Variants in UMAD1 observed in about 807,000 individuals in gnomAD.
The protein encoded by UMAD1 is UBAP1-MVB12-associated (UMA)-domain containing protein 1.
Under a neutral mutation model 6.1 loss-of-function variants are expected in UMAD1, and 8 were observed. The ratio of observed to expected loss-of-function variants is 1.30; its 90% CI spans 0.76 to 2.35. UMAD1 has a LOEUF of 2.35. Ranked by LOEUF, UMAD1 falls within the 30% of genes most tolerant of loss-of-function variation. The pLI is 0.00. For synonymous variants in UMAD1, 56 were observed against 31.4 expected (o/e 1.78, Z -2.61); for missense variants, 130 against 78.4 (o/e 1.66, Z -2.49).
At chr7:7,766,597 G>T (rs891651060) in intron 2 of UMAD1, among the ~76,000 whole-genome samples, 6 of 152,038 alleles carry the variant, frequency 3.9e-5, no homozygotes, top group Non-Finnish European at 7.4e-5. Context: ...CCCTCTTTAG[G>T]CAATCTACAG....
At chr7:7,854,893 G>C (rs1055260134) in intron 3 of UMAD1, among the ~76,000 whole-genome samples, 1 of 152,164 alleles carries the variant, frequency 6.6e-6, no homozygotes, top group Non-Finnish European at 1.5e-5. Flanking sequence ...TACAATGGGG[G>C]TACAGGCATT....
At chr7:7,850,765 A>G (rs530697704) in intron 3 of UMAD1, among the ~76,000 whole-genome samples, 56 of 152,244 alleles carry the variant, frequency 3.7e-4, no homozygotes, top group African/African-American at 1.1e-3. Flanking sequence ...TCTGAGGACA[A>G]TTATTACTAG....
intron 2 of UMAD1, among the ~76,000 whole-genome samples, chr7:7,777,880 C>T (rs375435084): frequency 6.6e-6 from 1 of 152,114 alleles, no homozygotes; most frequent in Non-Finnish European, 1.5e-5. Context: ...CCAGTAACTT[C>T]ATTCAGTAAC....
chr7:7,769,177 G>A (rs1034858404), intron 2 of UMAD1, among the ~76,000 whole-genome samples: 8 of 152,122 alleles, frequency 5.3e-5, no homozygotes, highest in Non-Finnish European at 1.0e-4. Flanking sequence ...ATACTCATTT[G>A]TCTTTTAGGG....
intron 3 of UMAD1, among the ~76,000 whole-genome samples, chr7:7,847,296 T>G (rs1563256308): frequency 6.6e-6 from 1 of 151,220 alleles, no homozygotes; most frequent in Non-Finnish European, 1.5e-5. Context: ...TGGTTTTCAC[T>G]CTAGCTGATG....
chr7:7,833,394 T>A (rs1235644028), intron 3 of UMAD1, among the ~76,000 whole-genome samples: 1 of 151,978 alleles, frequency 6.6e-6, no homozygotes, highest in Non-Finnish European at 1.5e-5. Context: ...GCAACTATCC[T>A]GACATGTGAC....
intron 2 of UMAD1, among the ~76,000 whole-genome samples, chr7:7,770,805 G>A (rs984845910): frequency 6.6e-6 from 1 of 152,116 alleles, no homozygotes; most frequent in Non-Finnish European, 1.5e-5. Flanking sequence ...GTTCACGATC[G>A]TCTGGAAGTG....
intron 1 of UMAD1, among the ~76,000 whole-genome samples, chr7:7,672,362 G>T (rs1040004972): frequency 3.9e-5 from 6 of 152,132 alleles, no homozygotes; most frequent in Admixed American, 2.6e-4. Context: ...ATGTGTGCTT[G>T]TATTTGTGTG....
At chr7:7,759,060 T>G (rs1781834031) in intron 2 of UMAD1, among the ~76,000 whole-genome samples, 1 of 152,226 alleles carries the variant, frequency 6.6e-6, no homozygotes, top group African/African-American at 2.4e-5. Context: ...CTTACATGGT[T>G]ATTTAAACTG....
chr7:7,717,020 C>T (rs952366378), intron 2 of UMAD1, among the ~76,000 whole-genome samples: 3 of 151,816 alleles, frequency 2.0e-5, no homozygotes, highest in African/African-American at 7.3e-5. Context: ...CACGAGGGAG[C>T]TTTCCTCTTT....
intron 1 of UMAD1, among the ~76,000 whole-genome samples, chr7:7,665,116 A>G (rs80267174): frequency 1.3e-5 from 2 of 152,216 alleles, no homozygotes; most frequent in African/African-American, 2.4e-5. Flanking sequence ...ATATATTTAC[A>G]TTAACTAGTA....
chr7:7,862,493 G>A (rs1032728135), intron 3 of UMAD1, among the ~76,000 whole-genome samples: 19 of 152,100 alleles, frequency 1.2e-4, no homozygotes, highest in African/African-American at 4.3e-4. Context: ...CTATATAAAT[G>A]GGAAGTTAAG....
At chr7:7,662,903 G>T (rs1350403452) in intron 1 of UMAD1, among the ~76,000 whole-genome samples, 5 of 152,192 alleles carry the variant, frequency 3.3e-5, no homozygotes, top group Non-Finnish European at 7.3e-5. Flanking sequence ...TTTATAGTAT[G>T]CTAGAAACTA....
intron 2 of UMAD1, among the ~76,000 whole-genome samples, chr7:7,742,825 A>G (rs903938702): frequency 1.3e-5 from 2 of 152,188 alleles, no homozygotes; most frequent in African/African-American, 2.4e-5. Flanking sequence ...TGGCACTGTG[A>G]TAGAATATTT....
chr7:7,804,717 C>T (rs1288729991), intron 3 of UMAD1, among the ~76,000 whole-genome samples: 1 of 152,116 alleles, frequency 6.6e-6, no homozygotes, highest in Non-Finnish European at 1.5e-5. Flanking sequence ...TGCGGTGGCT[C>T]ACGCCTGTAA....
intron 1 of UMAD1, among the ~76,000 whole-genome samples, chr7:7,646,871 G>C (rs899063098): frequency 3.9e-5 from 6 of 152,160 alleles, no homozygotes; most frequent in African/African-American, 1.2e-4. Context: ...GGTTTATATG[G>C]GCACAGAATA....
In UMAD1 at chr7:7,801,692, A is replaced by T. The variant is rs561402322; in HGVS notation, c.105A>T (p.Arg35Ser). ...TAGGAGATACAACAGATGAGCAAAG[A>T]ATGACAGCAAGAGGCAAAACTTCGG... ...VLLGDTTDEQ[R>S]MTARGKTSDI... Residue 35 changes from arginine (R) to serine (S), a missense_variant, in exon 3 of 4, where the codon AGA becomes AGT. Physicochemically the swap from Arg to Ser is moderately radical, Grantham distance 110. Transcript: ENST00000682710. 7.0e-6 allele frequency: 5 copies of T among 718,160 alleles called. No homozygotes were observed. In the African/African-American group the frequency reaches 8.7e-5, roughly 13 times the overall value. 44.5% of individuals were successfully genotyped at this position (718,160 alleles called of 1,614,324 possible). A position where few individuals can be genotyped will look rare whatever the true frequency, so the allele number is the denominator to read the frequency against.
intron 2 of UMAD1, among the ~76,000 whole-genome samples, chr7:7,789,261 C>G (rs1389538643): frequency 6.6e-6 from 1 of 152,080 alleles, no homozygotes; most frequent in Non-Finnish European, 1.5e-5. Flanking sequence ...GTAACCAATT[C>G]TATGGCTGAG....
At chr7:7,762,397 T>C (rs1781908687) in intron 2 of UMAD1, among the ~76,000 whole-genome samples, 1 of 152,228 alleles carries the variant, frequency 6.6e-6, no homozygotes, top group Non-Finnish European at 1.5e-5. Context: ...GGTTTCTTGC[T>C]AACATTCTTA....
Sources: gnomAD v4.1 joint callset for allele counts (sites outside exome capture counted in the v4.1 genomes callset) on GRCh38, gnomAD v4.1.1 for gene constraint, MANE v1.5 for transcripts, NCBI Gene and HGNC (gene_info 2026-07-23, HGNC 2026-07-21) for gene names.